WWOX: variants seen among roughly 807,000 people sequenced by gnomAD.
WWOX encodes the protein WW domain-containing oxidoreductase.
A neutral mutation model predicts 46.2 loss-of-function variants in WWOX; 69 were observed. That is an observed-to-expected ratio of 1.49 (90% CI 1.23 to 1.82). WWOX has a LOEUF of 1.82. Ranked by LOEUF, WWOX falls within the 40% of genes most tolerant of loss-of-function variation. The pLI is 0.00. For missense variants in WWOX, 919 were observed against 542.6 expected (o/e 1.69, Z -6.89); for synonymous variants, 359 against 202.6 (o/e 1.77, Z -6.56).
chr16:78,542,794 T>G (rs551807075), intron 8 of WWOX, among the ~76,000 whole-genome samples: 257 of 152,338 alleles, frequency 1.7e-3, no homozygotes, highest in Non-Finnish European at 3.3e-3. Context: ...TCCAAGTGCT[T>G]TCGTTTCCTT....
intron 8 of WWOX, among the ~76,000 whole-genome samples, chr16:79,109,802 C>G (rs1042021065): frequency 6.6e-6 from 1 of 152,184 alleles, no homozygotes; most frequent in African/African-American, 2.4e-5. Flanking sequence ...GTCATTTTCT[C>G]TCTAAGGCAG....
chr16:78,794,420 C>A (rs931036431), intron 8 of WWOX, among the ~76,000 whole-genome samples: 1 of 152,178 alleles, frequency 6.6e-6, no homozygotes, highest in African/African-American at 2.4e-5. Context: ...AAAAGCTACC[C>A]AGCTTAGATT....
chr16:79,127,070 A>G (rs2049773959), intron 8 of WWOX, among the ~76,000 whole-genome samples: 1 of 152,110 alleles, frequency 6.6e-6, no homozygotes, highest in Non-Finnish European at 1.5e-5. Flanking sequence ...TACACATAAA[A>G]TATTTATTTT....
At chr16:78,607,934 G>C (rs963219367) in intron 8 of WWOX, among the ~76,000 whole-genome samples, 10 of 152,084 alleles carry the variant, frequency 6.6e-5, no homozygotes, top group Non-Finnish European at 2.9e-5. Flanking sequence ...TGCTGGCTCT[G>C]AATTATGGAA....
chr16:78,121,520 A>G (rs1341906742), intron 4 of WWOX, among the ~76,000 whole-genome samples: 1 of 152,232 alleles, frequency 6.6e-6, no homozygotes, highest in Non-Finnish European at 1.5e-5. Flanking sequence ...GAAGAGACCA[A>G]TTTAAAACAT....
rs1124356 is a variant in WWOX, at chr16:78,895,416, A to T, written c.1057-316192A>T. 5.3e-5 allele frequency: 8 copies of T among 152,188 alleles called. No homozygotes were observed. The East Asian group carries it at 7.7e-4, about 15-fold the overall frequency. 9.4% of individuals were successfully genotyped at this position (152,188 alleles called of 1,614,324 possible). A position where few individuals can be genotyped will look rare whatever the true frequency, so the allele number is the denominator to read the frequency against. On this transcript the variant is annotated intron_variant, in intron 8 of 8. Transcript: ENST00000566780. ...GAGTGTTGTCTCCTCTGTGGGGTCA[A>T]AACATCATGCTTCTTTCTGTTCTGC...
chr16:79,144,155 C>A (rs2150720823), intron 8 of WWOX, among the ~76,000 whole-genome samples: 1 of 152,196 alleles, frequency 6.6e-6, no homozygotes, highest in East Asian at 1.9e-4. Flanking sequence ...CTGTCTCAGC[C>A]TCCCAAAGTG....
chr16:78,769,829 A>G (rs1396934460), intron 8 of WWOX, among the ~76,000 whole-genome samples: 1 of 151,258 alleles, frequency 6.6e-6, no homozygotes, highest in African/African-American at 2.4e-5. Context: ...CAACATAGGG[A>G]GGTCCTGTCT....
chr16:78,816,549 A>G (rs372836868), intron 8 of WWOX, among the ~76,000 whole-genome samples: 1 of 110,556 alleles, frequency 9.0e-6, no homozygotes, highest in South Asian at 3.0e-4. Flanking sequence ...ATGAGGGGAA[A>G]TGTTTCTTCC....
chr16:78,805,772 A>G (rs540144420), intron 8 of WWOX, among the ~76,000 whole-genome samples: 58 of 152,334 alleles, frequency 3.8e-4, no homozygotes, highest in African/African-American at 1.4e-3. Flanking sequence ...CTCCATAGAT[A>G]TCCAGTTTTT....
At chr16:79,137,107 A>G (rs925149876) in intron 8 of WWOX, among the ~76,000 whole-genome samples, 3 of 152,188 alleles carry the variant, frequency 2.0e-5, no homozygotes, top group Non-Finnish European at 4.4e-5. Flanking sequence ...GAATATTCTC[A>G]CGCTTCCAGA....
intron 5 of WWOX, among the ~76,000 whole-genome samples, chr16:78,198,734 T>C (rs1430489109): frequency 6.6e-6 from 1 of 152,234 alleles, no homozygotes; most frequent in East Asian, 1.9e-4. Context: ...CCTCCCATTA[T>C]GTTTGTAACT....
chr16:78,228,106 C>G (rs1239685870), intron 5 of WWOX, among the ~76,000 whole-genome samples: 5 of 152,086 alleles, frequency 3.3e-5, no homozygotes, highest in South Asian at 2.1e-4. Flanking sequence ...TCACAAATGC[C>G]TTGATGTCTC....
intron 8 of WWOX, among the ~76,000 whole-genome samples, chr16:79,148,808 A>T (rs2050225959): frequency 6.6e-6 from 1 of 151,288 alleles, no homozygotes; most frequent in African/African-American, 2.5e-5. Flanking sequence ...TGTGTTTTTA[A>T]TTCCAACTTC....
intron 8 of WWOX, among the ~76,000 whole-genome samples, chr16:78,835,571 G>A (rs865949968): frequency 3.3e-4 from 50 of 152,264 alleles, no homozygotes; most frequent in Non-Finnish European, 2.2e-4. Flanking sequence ...CACACATATT[G>A]ATATCAGACC....
chr16:79,174,503 G>T (rs2050762180), intron 8 of WWOX, among the ~76,000 whole-genome samples: 1 of 152,138 alleles, frequency 6.6e-6, no homozygotes, highest in African/African-American at 2.4e-5. Context: ...ACAAAAATTA[G>T]CCAGGCGTGG....
intron 8 of WWOX, among the ~76,000 whole-genome samples, chr16:78,687,188 T>C (rs2047882401): frequency 6.6e-6 from 1 of 152,216 alleles, no homozygotes; most frequent in African/African-American, 2.4e-5. Context: ...TCAACACAGT[T>C]CTCTTGTCTC....
intron 8 of WWOX, among the ~76,000 whole-genome samples, chr16:78,435,675 G>C (rs2083319782): frequency 6.6e-6 from 1 of 152,138 alleles, no homozygotes; most frequent in Admixed American, 6.5e-5. Context: ...ATGACTTCCT[G>C]GTGGTGGCAA....
chr16:78,415,100 ATAT>A (rs1407198500), intron 6 of WWOX, among the ~76,000 whole-genome samples: 1 of 148,474 alleles, frequency 6.7e-6, no homozygotes, highest in African/African-American at 2.4e-5. Flanking sequence ...TTATAATACA[ATAT>A]TATATATAAT....
Sources: allele counts gnomAD v4.1 joint callset (sites outside exome capture counted in the v4.1 genomes callset), GRCh38; gene constraint gnomAD v4.1.1; transcripts MANE v1.5; gene names NCBI Gene and HGNC (gene_info 2026-07-23, HGNC 2026-07-21).